The following SERGEF variants were observed in gnomAD, a reference collection of about 807,000 sequenced individuals.
SERGEF encodes secretion-regulating guanine nucleotide exchange factor.
SERGEF carries 51 observed loss-of-function variants against 50.0 expected under a neutral mutation model. That is an observed-to-expected ratio of 1.02 (90% CI 0.81 to 1.29). The LOEUF (loss-of-function observed/expected upper bound fraction) is 1.29. SERGEF is among the 50% of genes most tolerant of loss of function. The probability of loss-of-function intolerance (pLI) is 0.00; values close to 1 mark genes in which losing one functional copy is unlikely to be tolerated. For synonymous variants in SERGEF, 205 were observed against 212.4 expected (o/e 0.97, Z 0.30); for missense variants, 521 against 557.0 (o/e 0.94, Z 0.65).
chr11:17,942,830 G>A (rs1852585883), intron 9 of SERGEF, among the ~76,000 whole-genome samples: 2 of 152,010 alleles, frequency 1.3e-5, no homozygotes. Context: ...TTTTGTCAAT[G>A]ATTTTTCCAC....
chr11:17,931,031 GC>G (rs1852342154), intron 9 of SERGEF, among the ~76,000 whole-genome samples: 1 of 152,062 alleles, frequency 6.6e-6, no homozygotes. Context: ...TCCCAATTCA[GC>G]ACTGCACCTG....
intron 10 of SERGEF, among the ~76,000 whole-genome samples, chr11:17,809,724 A>C (rs1416957841): frequency 6.6e-6 from 1 of 151,980 alleles, no homozygotes; most frequent in Non-Finnish European, 1.5e-5. Context: ...GGCATCTGTG[A>C]AGCTGTGGGT....
chr11:17,801,962 T>C (rs781668855), intron 10 of SERGEF, among the ~76,000 whole-genome samples: 1 of 152,154 alleles, frequency 6.6e-6, no homozygotes, highest in Admixed American at 6.5e-5. Context: ...TTTGTGAATG[T>C]CCCTGTTTCA....
At chr11:17,789,938 T>C (rs977241079) in intron 10 of SERGEF, among the ~76,000 whole-genome samples, 3 of 152,222 alleles carry the variant, frequency 2.0e-5, no homozygotes, top group Non-Finnish European at 2.9e-5. Context: ...TGAGCTGAGA[T>C]TGTGCCATTG....
intron 6 of SERGEF, among the ~76,000 whole-genome samples, chr11:17,995,180 C>A (rs1321069910): frequency 6.6e-6 from 1 of 152,166 alleles, no homozygotes; most frequent in East Asian, 1.9e-4. Flanking sequence ...GACCAACAGA[C>A]CTTTGGGCAG....
intron 10 of SERGEF, among the ~76,000 whole-genome samples, chr11:17,810,614 T>C (rs1412204212): frequency 1.3e-5 from 2 of 152,206 alleles, no homozygotes; most frequent in Non-Finnish European, 2.9e-5. Context: ...ATGAACTTTG[T>C]AGTTCTTTAT....
intron 1 of SERGEF, 177 bp downstream of exon 1, chr11:18,012,774 T>TTCC: frequency 4.7e-6 from 6 of 1,285,086 alleles, no homozygotes; most frequent in Non-Finnish European, 6.4e-6. Context: ...GACCCTTCCT[T>TTCC]CCCCGCCCGC....
rs577785011 is a variant in SERGEF at position 17,872,663 on chromosome 11, A to G, written c.1048+5545T>C. On this transcript the variant is annotated intron_variant, in intron 10 of 10. Transcript: ENST00000265965. ...GAACTTATAACTATACTCTCCTCAC[A>G]TGAAATAACATACATAGAAGGTCAT... Among the ~76,000 whole-genome samples, 36 of 152,366 alleles carry G rather than the reference A, an allele frequency of 2.4e-4. No homozygotes were observed. The South Asian group carries it at 6.8e-3, about 29-fold the overall frequency.
intron 10 of SERGEF, among the ~76,000 whole-genome samples, chr11:17,813,156 T>C (rs1341609928): frequency 7.9e-5 from 12 of 152,208 alleles, no homozygotes; most frequent in Admixed American, 7.9e-4. Flanking sequence ...GTGGCCTTGC[T>C]TGAAAAACAG....
intron 9 of SERGEF, among the ~76,000 whole-genome samples, chr11:17,911,327 TTA>T (rs948587637): frequency 2.1e-5 from 3 of 145,890 alleles, no homozygotes; most frequent in Non-Finnish European, 4.5e-5. Flanking sequence ...TTTATATATA[TTA>T]TATATATATT....
chr11:17,953,159 A>G (rs1267500719), intron 9 of SERGEF, among the ~76,000 whole-genome samples: 1 of 148,190 alleles, frequency 6.7e-6, no homozygotes, highest in Non-Finnish European at 1.5e-5. Context: ...AAGGGACAGG[A>G]TCAACATATT....
intron 10 of SERGEF, among the ~76,000 whole-genome samples, chr11:17,814,834 C>A (rs746763489): frequency 3.3e-5 from 5 of 152,146 alleles, no homozygotes; most frequent in Non-Finnish European, 5.9e-5. Flanking sequence ...CCAAAGGGAA[C>A]TAGGAGTATG....
chr11:17,960,096 C>T (rs968689692), intron 8 of SERGEF, among the ~76,000 whole-genome samples: 2 of 152,272 alleles, frequency 1.3e-5, no homozygotes, highest in African/African-American at 4.8e-5. Context: ...CTCTTAGGGC[C>T]TAGCTCAATG....
chr11:17,884,913 A>G lies in SERGEF; in HGVS notation c.1012-6669T>C, dbSNP rs968399811. 1.3e-5 allele frequency among the ~76,000 whole-genome samples: 2 copies of G among 152,110 alleles called. No individual in the cohort carries two copies. The highest frequency in any genetic ancestry group is 1.3e-4 in the Admixed American group (2 of 15,260). On this transcript the variant is annotated intron_variant, in intron 9 of 10. Transcript: ENST00000265965. This position sits in a 1 kb window ranked among gnomAD's most constrained non-coding sequence, Gnocchi z 4.6. The stretch of plus-strand genomic sequence containing the variant: ...TTTCACTTTACCTGCAATACCTCCC[A>G]TCTTCACAGCCACTCTGAGAAGTGG...
intron 10 of SERGEF, chr11:17,846,823 T>C (rs1590152787): frequency 4.4e-6 from 2 of 452,920 alleles, no homozygotes; most frequent in South Asian, 1.6e-5. Context: ...ATGTAGCAGG[T>C]ATATAATAGA....
At chr11:17,926,406 G>C (rs1852250114) in intron 9 of SERGEF, among the ~76,000 whole-genome samples, 1 of 152,174 alleles carries the variant, frequency 6.6e-6, no homozygotes, top group African/African-American at 2.4e-5. Flanking sequence ...GGAGAGACAG[G>C]TAAACAGATG....
In SERGEF at chr11:18,002,033, C is replaced by A. The variant is rs1179660668; in HGVS notation, c.448-1476G>T. 3 of 456,278 alleles carry A rather than the reference C, an allele frequency of 6.6e-6. No individual in the cohort carries two copies. The East Asian group carries it at 2.1e-4, about 32-fold the overall frequency. The allele number at this position is 456,278 out of a possible 1,614,324, so 28.3% of individuals were successfully genotyped here. A position where few individuals can be genotyped will look rare whatever the true frequency, so the allele number is the denominator to read the frequency against. On this transcript the variant is annotated intron_variant, in intron 4 of 10. Coordinates refer to ENST00000265965, the MANE Select transcript of SERGEF (RefSeq NM_012139.4). ...AACAGCAGAAAGGGCTGAGCTTTGG[C>A]CTTCCTTCTTCTGGAAACTATACTT... is the stretch of plus-strand genomic sequence containing the variant.
chr11:17,838,817 G>A (rs1191965632), intron 10 of SERGEF, among the ~76,000 whole-genome samples: 1 of 152,146 alleles, frequency 6.6e-6, no homozygotes, highest in African/African-American at 2.4e-5. Flanking sequence ...TAACTAGCTT[G>A]CACAAGGTCA....
At chr11:17,867,215 G>A (rs1384323420) in intron 10 of SERGEF, among the ~76,000 whole-genome samples, 1 of 152,238 alleles carries the variant, frequency 6.6e-6, no homozygotes, top group African/African-American at 2.4e-5. Context: ...CTGCCTATGA[G>A]CCTGTAAAAT....
Sources: allele counts gnomAD v4.1 joint callset (sites outside exome capture counted in the v4.1 genomes callset), GRCh38; gene constraint gnomAD v4.1.1; non-coding constraint Gnocchi (gnomAD v3.1); transcripts MANE v1.5; gene names NCBI Gene and HGNC (gene_info 2026-07-23, HGNC 2026-07-21).